Variants in KY observed in about 807,000 individuals in gnomAD.
KY encodes the protein kyphoscoliosis peptidase.
Under a neutral mutation model 76.1 loss-of-function variants are expected in KY, and 43 were observed. The observed-to-expected ratio is 0.57, with a 90% confidence interval of 0.44 to 0.73. The LOEUF is 0.73. Among genes scored for constraint, KY ranks in the 30% least tolerant of loss-of-function variants. KY has a pLI of 0.00. For synonymous variants in KY, 277 were observed against 326.2 expected (o/e 0.85, Z 1.63); for missense variants, 722 against 828.9 (o/e 0.87, Z 1.58).
chr3:134,613,406 G>A (rs772801054), intron 8 of KY, among the ~76,000 whole-genome samples: 1 of 152,174 alleles, frequency 6.6e-6, no homozygotes, highest in Non-Finnish European at 1.5e-5. Flanking sequence ...CCCCAGCCCT[G>A]GAAAGGAGAG....
At position 134,603,793 on chromosome 3, in the gene KY, G is replaced by T. The variant is rs1213121844; in HGVS notation, c.1772C>A (p.Ala591Asp). 9 of 1,613,244 alleles carry T rather than the reference G, an allele frequency of 5.6e-6. No individual in the cohort carries two copies. In the East Asian group the frequency reaches 2.0e-4, roughly 36 times the overall value. ...LLEPLSGVLPANRNVPFKLKL... is the reference protein window; with the variant it reads ...LLEPLSGVLPDNRNVPFKLKL... ...CAATTTGAATGGGACATTCCGGTTG[G>T]CAGGAAGCACACCTGACAGAGGTTC... The change falls in exon 11 of 11, where the codon GCC becomes GAC. Residue 591 changes from alanine (A) to aspartate (D), a missense_variant. Ala to Asp is a moderately radical substitution (Grantham distance 126). This residue lies in a region of KY where 552 missense variants were observed against 680.9 expected (regional missense o/e 0.81). Coordinates refer to ENST00000423778, the MANE Select transcript of KY (RefSeq NM_178554.6).
At chr3:134,610,558 TG>T in intron 8 of KY, 175 bp from the exon 9 acceptor site, 1 of 608,520 alleles carries the variant, frequency 1.6e-6, no homozygotes, top group Non-Finnish European at 2.9e-6. Context: ...CTCGGGGCAC[TG>T]GGGACAGGGA....
At chr3:134,638,681 C>T (rs1263864882) in intron 3 of KY, among the ~76,000 whole-genome samples, 3 of 152,236 alleles carry the variant, frequency 2.0e-5, no homozygotes, top group Non-Finnish European at 4.4e-5. Context: ...AGCATACAGG[C>T]AAGCACAAGA....
intron 3 of KY, among the ~76,000 whole-genome samples, chr3:134,632,447 A>G (rs1964358808): frequency 6.6e-6 from 1 of 152,068 alleles, no homozygotes; most frequent in South Asian, 2.1e-4. Context: ...TAGAAGTAAA[A>G]AACAGAAAGC....
intron 10 of KY, chr3:134,607,756 A>C: frequency 2.0e-6 from 2 of 985,926 alleles, no homozygotes; most frequent in Non-Finnish European, 2.4e-6. Context: ...GGGAGAGCAC[A>C]TGTCAGCCCA....
chr3:134,619,098 G>A (rs369937113), intron 8 of KY, 50 bp downstream of exon 8: 6 of 1,445,530 alleles, frequency 4.2e-6, no homozygotes, highest in East Asian at 4.5e-5. Flanking sequence ...CTGTGGAAGA[G>A]GGAGAGGGAT....
intron 3 of KY, among the ~76,000 whole-genome samples, chr3:134,638,082 C>T (rs191231848): frequency 2.6e-5 from 4 of 152,350 alleles, no homozygotes; most frequent in Admixed American, 6.5e-5. Context: ...GCCACTTTCT[C>T]GTCCTCCCTG....
chr3:134,608,852 C>G lies in KY; in HGVS notation c.900-13G>C, dbSNP rs767971427. The G allele has an allele frequency of 3.8e-6, 6 of 1,599,742 alleles. No individual in the cohort carries two copies. The highest frequency in any genetic ancestry group is 5.1e-6 in the Non-Finnish European group (6 of 1,170,882). On this transcript the variant is annotated splice_polypyrimidine_tract_variant and intron_variant, in intron 9 of 10. Coordinates refer to ENST00000423778, the MANE Select transcript of KY (RefSeq NM_178554.6). ...GAACTCATTGTAGCTGGAGCAGAGACAAGCTGGTTAGCAGCCAGCTCCATG... is the reference window on the plus strand; with the variant it reads ...GAACTCATTGTAGCTGGAGCAGAGAGAAGCTGGTTAGCAGCCAGCTCCATG...
intron 5 of KY, 78 bp from the exon 6 acceptor site, chr3:134,625,213 T>G: frequency 1.8e-6 from 2 of 1,110,042 alleles, no homozygotes; most frequent in Non-Finnish European, 2.7e-6. Context: ...GCTGTCTCTT[T>G]GAGGAGCTGT....
At chr3:134,644,054 T>C (rs1170209728) in intron 2 of KY, among the ~76,000 whole-genome samples, 1 of 152,164 alleles carries the variant, frequency 6.6e-6, no homozygotes, top group East Asian at 1.9e-4. Flanking sequence ...CTCGATCTCC[T>C]GACCTTGTGA....
At chr3:134,637,302 T>C (rs1179577355) in intron 3 of KY, among the ~76,000 whole-genome samples, 2 of 152,248 alleles carry the variant, frequency 1.3e-5, no homozygotes, top group African/African-American at 4.8e-5. Context: ...CTTCCCATCA[T>C]CAGTGAGGCA....
intron 9 of KY, 37 bp from the exon 10 acceptor site, chr3:134,608,876 T>C (rs377497409): frequency 7.6e-6 from 12 of 1,577,676 alleles, no homozygotes; most frequent in Middle Eastern, 1.9e-4. Flanking sequence ...GCCAGCTCCA[T>C]GCAGGGGAGG....
chr3:134,629,472 A>T, intron 4 of KY, 149 bp downstream of exon 4: 1 of 618,210 alleles, frequency 1.6e-6, no homozygotes, highest in Non-Finnish European at 2.9e-6. Flanking sequence ...CCCAGGATAA[A>T]GCTGTCATGC....
At chr3:134,609,503 G>A (rs1959933803) in intron 9 of KY, among the ~76,000 whole-genome samples, 1 of 152,146 alleles carries the variant, frequency 6.6e-6, no homozygotes, top group Non-Finnish European at 1.5e-5. Flanking sequence ...GATTTAAGGT[G>A]CAAAAATCGA....
intron 2 of KY, among the ~76,000 whole-genome samples, chr3:134,643,815 T>A (rs1408430467): frequency 1.3e-5 from 2 of 149,454 alleles, no homozygotes; most frequent in Non-Finnish European, 3.0e-5. Context: ...GACTCCCAGT[T>A]GAGTCTCCTG....
chr3:134,619,213 A>C lies in KY; in HGVS notation c.645T>G (p.Thr215=). The part of the protein sequence containing the change: ...QEKDRQAFKP[T]DILRTQKTNC... Reference sequence around the variant, plus strand: ...TGGTCTTCTGGGTCCGCAGGATGTCAGTGGGTTTGAAGGCTTGGCGGTCCT... The same window carrying C: ...TGGTCTTCTGGGTCCGCAGGATGTCCGTGGGTTTGAAGGCTTGGCGGTCCT... The change falls in exon 8 of 11, where the codon ACT becomes ACG. Residue 215 remains threonine, a synonymous_variant. Transcript: ENST00000423778. The C allele has an allele frequency of 6.2e-7, 1 of 1,613,966 alleles. No homozygotes were observed. Among genetic ancestry groups the C allele is most frequent in the Admixed American group, 1.7e-5 (1 of 60,028 alleles).
chr3:134,624,068 T>C (rs1560120009), intron 6 of KY, among the ~76,000 whole-genome samples: 1 of 152,058 alleles, frequency 6.6e-6, no homozygotes, highest in Non-Finnish European at 1.5e-5. Flanking sequence ...GCCCCTCATA[T>C]CCCAAACACA....
chr3:134,604,566 C>T (rs893970998), intron 10 of KY, 92 bp from the exon 11 acceptor site: 17 of 1,118,380 alleles, frequency 1.5e-5, no homozygotes, highest in Non-Finnish European at 1.9e-5. Flanking sequence ...GGGAGAAAAA[C>T]GTCCTGACTT....
At chr3:134,637,137 T>C (rs771228772) in intron 3 of KY, among the ~76,000 whole-genome samples, 1 of 152,252 alleles carries the variant, frequency 6.6e-6, no homozygotes, top group South Asian at 2.1e-4. Flanking sequence ...AACATTCATT[T>C]TGAAGTGTAG....
Sources: allele counts gnomAD v4.1 joint callset (sites outside exome capture counted in the v4.1 genomes callset), GRCh38; gene constraint gnomAD v4.1.1; regional missense constraint gnomAD v4.1.1; transcripts MANE v1.5; gene names NCBI Gene and HGNC (gene_info 2026-07-23, HGNC 2026-07-21).